Variants in MALRD1 observed in about 807,000 individuals in gnomAD.
MALRD1 encodes MAM and LDL receptor class A domain containing 1.
Under a neutral mutation model 242.1 loss-of-function variants are expected in MALRD1, and 247 were observed. The ratio of observed to expected loss-of-function variants is 1.02; its 90% CI spans 0.92 to 1.13. The LOEUF is 1.13. Among genes scored for constraint, MALRD1 ranks in the 50% most tolerant of loss-of-function variants. MALRD1 has a pLI of 0.00. For synonymous variants in MALRD1, 995 were observed against 866.6 expected (o/e 1.15, Z -2.60); for missense variants, 2,989 against 2,533.1 (o/e 1.18, Z -3.86).
chr10:19,165,247 A>T (rs1418226684), intron 12 of MALRD1, among the ~76,000 whole-genome samples: 3 of 95,138 alleles, frequency 3.2e-5, no homozygotes, highest in Non-Finnish European at 6.4e-5. Flanking sequence ...TTTGGAATAT[A>T]TATATATATA....
chr10:19,272,612 C>T (rs1456075074), intron 19 of MALRD1, among the ~76,000 whole-genome samples: 1 of 152,082 alleles, frequency 6.6e-6, no homozygotes, highest in East Asian at 1.9e-4. Flanking sequence ...GTTTGCTGCA[C>T]CCATCAACCT....
intron 31 of MALRD1, among the ~76,000 whole-genome samples, chr10:19,515,003 C>T (rs1201736019): frequency 6.6e-6 from 1 of 152,060 alleles, no homozygotes; most frequent in Admixed American, 6.6e-5. Flanking sequence ...ATCTACAATA[C>T]CCTTATGTCC....
chr10:19,654,004 G>A (rs980974496), intron 36 of MALRD1, among the ~76,000 whole-genome samples: 2 of 152,162 alleles, frequency 1.3e-5, no homozygotes, highest in African/African-American at 2.4e-5. Context: ...TTAACAATGA[G>A]CAGAGTTATC....
chr10:19,536,192 G>C (rs1430212718), intron 32 of MALRD1, among the ~76,000 whole-genome samples: 1 of 152,084 alleles, frequency 6.6e-6, no homozygotes, highest in Non-Finnish European at 1.5e-5. Flanking sequence ...CACAAAAGAC[G>C]TGAGGACAGG....
At chr10:19,622,885 G>C (rs1040646664) in intron 36 of MALRD1, among the ~76,000 whole-genome samples, 1 of 151,952 alleles carries the variant, frequency 6.6e-6, no homozygotes, top group Admixed American at 6.6e-5. Context: ...AATGATAAAA[G>C]ATGGCATCTC....
intron 38 of MALRD1, among the ~76,000 whole-genome samples, chr10:19,697,809 T>C (rs1253058669): frequency 6.6e-6 from 1 of 152,142 alleles, no homozygotes; most frequent in Non-Finnish European, 1.5e-5. Flanking sequence ...TTTGCCAGGC[T>C]CTACTCCTAT....
intron 28 of MALRD1, among the ~76,000 whole-genome samples, chr10:19,408,478 A>G (rs967928583): frequency 6.6e-6 from 1 of 152,162 alleles, no homozygotes; most frequent in Non-Finnish European, 1.5e-5. Context: ...TAAAGGAGTC[A>G]TATATTCTAT....
chr10:19,392,937 T>C (rs1176321843), intron 28 of MALRD1, among the ~76,000 whole-genome samples: 1 of 152,154 alleles, frequency 6.6e-6, no homozygotes, highest in Non-Finnish European at 1.5e-5. Context: ...ATTCAGCCTG[T>C]GGGAAGCAAT....
chr10:19,679,230 A>G (rs559845317), intron 36 of MALRD1, among the ~76,000 whole-genome samples: 8 of 152,308 alleles, frequency 5.3e-5, no homozygotes, highest in African/African-American at 1.9e-4. Context: ...TTCAGAAGGA[A>G]TGGTACCAGC....
chr10:19,227,237 G>T (rs1837838412), intron 18 of MALRD1, among the ~76,000 whole-genome samples: 1 of 151,706 alleles, frequency 6.6e-6, no homozygotes, highest in Non-Finnish European at 1.5e-5. Flanking sequence ...CAAATTTCAA[G>T]ACATATTGTA....
chr10:19,085,343 G>A (rs934071561), intron 2 of MALRD1, among the ~76,000 whole-genome samples: 4 of 151,866 alleles, frequency 2.6e-5, no homozygotes, highest in African/African-American at 7.3e-5. Flanking sequence ...CTCCATCTGT[G>A]AATTAAAGAA....
In MALRD1 at chr10:19,524,092, C is replaced by G. The variant is rs150339853; in HGVS notation, c.5321-7102C>G. 2.4e-3 allele frequency among the ~76,000 whole-genome samples: 364 copies of G among 152,230 alleles called. 7 individuals carry two copies. The East Asian group carries it at 0.05, about 21-fold the overall frequency. ...TGCTATGAGAAAAATTCATTCGTCT[C>G]CAGAAACACTGCATCTGTGTTTTCC... On this transcript the variant is annotated intron_variant, in intron 31 of 39. Coordinates refer to ENST00000454679, the MANE Select transcript of MALRD1 (RefSeq NM_001142308.3).
rs940894742 is a variant in MALRD1 at position 19,677,350 on chromosome 10, C to T, written c.6138-14932C>T. On this transcript the variant is annotated intron_variant, in intron 36 of 39. Coordinates refer to ENST00000454679, the MANE Select transcript of MALRD1 (RefSeq NM_001142308.3). ...TAGTTTCTTGACTTTTTAATAATCT[C>T]CATTCTGACTGCTGTGAGATGGTAT... Among the ~76,000 whole-genome samples, 34 of 152,136 alleles carry T rather than the reference C, an allele frequency of 2.2e-4. 1 individual carries two copies. Among genetic ancestry groups the T allele is most frequent in the Admixed American group, 2.2e-3 (34 of 15,282 alleles).
intron 32 of MALRD1, among the ~76,000 whole-genome samples, chr10:19,542,901 A>G (rs557091231): frequency 6.6e-6 from 1 of 152,304 alleles, no homozygotes; most frequent in Non-Finnish European, 1.5e-5. Flanking sequence ...ATGCCTAAAG[A>G]TTCAAGACAG....
intron 36 of MALRD1, among the ~76,000 whole-genome samples, chr10:19,643,499 A>G (rs976077766): frequency 4.0e-5 from 6 of 151,602 alleles, no homozygotes; most frequent in Non-Finnish European, 8.8e-5. Flanking sequence ...TATTTATTCA[A>G]TTAACCAAAG....
rs533714299 is a variant in MALRD1 at position 19,661,079 on chromosome 10, A to G, written c.6138-31203A>G. The stretch of plus-strand genomic sequence containing the variant: ...TCAGAGAAATGCAAATCAAAACCAC[A>G]ATGAGGTACCATCTCACACCAGTTA... On this transcript the variant is annotated intron_variant, in intron 36 of 39. Transcript: ENST00000454679. 6.6e-5 allele frequency among the ~76,000 whole-genome samples: 10 copies of G among 152,300 alleles called. No individual in the cohort carries two copies. In the South Asian group the frequency reaches 2.1e-3, roughly 32 times the overall value.
chr10:19,087,748 A>C, intron 2 of MALRD1, 92 bp from the exon 3 acceptor site: 1 of 512,882 alleles, frequency 1.9e-6, no homozygotes, highest in East Asian at 3.5e-5. Context: ...TGAAATTATT[A>C]TTGACTATAG....
rs1397067126 is a variant in MALRD1, at chr10:19,218,547, A to G, written c.2991+8867A>G. Among the ~76,000 whole-genome samples the G allele has an allele frequency of 4.7e-4, 71 of 152,224 alleles. 1 individual carries two copies. The highest frequency in any genetic ancestry group is 8.8e-5 in the Non-Finnish European group (6 of 67,996). ...AAACATGGTGGTTTTCATTTCTATC[A>G]TTAATTTATACAGGAGATAGACTGT... On this transcript the variant is annotated intron_variant, in intron 18 of 39. Coordinates refer to ENST00000454679, the MANE Select transcript of MALRD1 (RefSeq NM_001142308.3).
At chr10:19,628,631 G>A (rs1401444194) in intron 36 of MALRD1, among the ~76,000 whole-genome samples, 1 of 152,014 alleles carries the variant, frequency 6.6e-6, no homozygotes, top group Non-Finnish European at 1.5e-5. Flanking sequence ...AGTGAGCTCT[G>A]TAGAAGATTG....
Sources: gnomAD v4.1 joint callset for allele counts (sites outside exome capture counted in the v4.1 genomes callset) on GRCh38, gnomAD v4.1.1 for gene constraint, MANE v1.5 for transcripts, NCBI Gene and HGNC (gene_info 2026-07-23, HGNC 2026-07-21) for gene names.